The following PDE8B variants were observed in gnomAD, a reference collection of about 807,000 sequenced individuals.
PDE8B encodes phosphodiesterase 8B, also known as high affinity cAMP-specific and IBMX-insensitive 3',5'-cyclic phosphodiesterase 8B.
In PDE8B, 26 loss-of-function variants were observed where a neutral mutation model predicts 101.3. The ratio of observed to expected loss-of-function variants is 0.26; its 90% CI spans 0.19 to 0.36. PDE8B has a LOEUF of 0.36. Ranked by LOEUF, PDE8B falls within the 10% of genes least tolerant of loss-of-function variation. The pLI is 1.00. For synonymous variants in PDE8B, 424 were observed against 429.3 expected (o/e 0.99, Z 0.15); for missense variants, 810 against 1,163.1 (o/e 0.70, Z 4.42).
At position 77,329,045 on chromosome 5, in the gene PDE8B, T is replaced by C; in HGVS notation, c.638T>C (p.Val213Ala). 1 of 1,613,696 alleles carries C rather than the reference T, an allele frequency of 6.2e-7. No individual in the cohort carries two copies. Among genetic ancestry groups the C allele is most frequent in the East Asian group, 2.2e-5 (1 of 44,870 alleles). ...TCCGAGCACACGGTGATCCTCGCAG[T>C]GGTTTCGCGAGTGTAAGTGCACCTC... Reference protein sequence around the residue: ...NPSEHTVILAVVSRVSDDHEE... With the variant: ...NPSEHTVILAAVSRVSDDHEE... Residue 213 changes from valine to alanine, a missense_variant, in exon 4 of 22, where the codon GTG (valine) becomes GCG (alanine). By Grantham distance (64) the Val-to-Ala change is moderately conservative (BLOSUM62 0). Coordinates refer to ENST00000264917, the MANE Select transcript of PDE8B (RefSeq NM_003719.5).
intron 2 of PDE8B, among the ~76,000 whole-genome samples, chr5:77,323,536 A>T (rs1478778451): frequency 1.3e-5 from 2 of 152,214 alleles, no homozygotes; most frequent in African/African-American, 4.8e-5. Context: ...AGAGCTAGGA[A>T]AATGGGTAGG....
At chr5:77,318,067 A>AC (rs59700620) in intron 2 of PDE8B, among the ~76,000 whole-genome samples, 6 of 149,960 alleles carry the variant, frequency 4.0e-5, no homozygotes, top group Non-Finnish European at 7.4e-5. Context: ...AAAAAAAAAA[A>AC]AAAAAAAAAA....
intron 11 of PDE8B, among the ~76,000 whole-genome samples, chr5:77,402,307 G>A (rs1362466898): frequency 1.3e-5 from 2 of 151,666 alleles, no homozygotes; most frequent in African/African-American, 4.8e-5. Context: ...AAACTACTAA[G>A]GTAGAATTTG....
chr5:77,211,051 C>A lies in PDE8B; in HGVS notation c.126C>A (p.Gly42=), dbSNP rs1580329317. Residue 42 remains glycine (G), a synonymous_variant, in exon 1 of 22, where the codon GGC becomes GGA. Transcript: ENST00000264917. This position sits in a 1 kb window ranked among gnomAD's most constrained non-coding sequence, Gnocchi z 4.1. ...AGGGCCCGGCGGCACCCCTGCCCGG[C>A]CTCTTCGTCCAGACCGACGCCGCCG... is the stretch of plus-strand genomic sequence containing the variant. ...VSQGPAAPLP[G]LFVQTDAADA... is the part of the protein sequence containing the mutation. 6.5e-7 allele frequency: 1 copy of A among 1,531,066 alleles called. No individual in the cohort carries two copies. The highest frequency in any genetic ancestry group is 8.7e-7 in the Non-Finnish European group (1 of 1,149,024). 94.8% of individuals were successfully genotyped at this position (1,531,066 alleles called of 1,614,324 possible).
At chr5:77,161,162 A>T in the PDE8B span, among the ~76,000 whole-genome samples, 38,312 of 152,146 alleles carry the variant, frequency 0.25, 5,663 homozygotes, top group East Asian at 0.74. Flanking sequence ...CAACATAACC[A>T]TGACCATAAG....
the PDE8B span, among the ~76,000 whole-genome samples, chr5:77,127,031 A>G: frequency 1.3e-5 from 2 of 152,152 alleles, no homozygotes; most frequent in Admixed American, 1.3e-4. Context: ...CTGATCAAGG[A>G]AGGGTGCTCC....
intron 10 of PDE8B, among the ~76,000 whole-genome samples, chr5:77,390,057 T>C (rs923092271): frequency 7.9e-5 from 12 of 152,322 alleles, no homozygotes; most frequent in African/African-American, 2.9e-4. Flanking sequence ...TCCAACTATG[T>C]ATGAGAGTTC....
At chr5:77,409,167 T>A in intron 14 of PDE8B, 110 bp downstream of exon 14, 1 of 869,312 alleles carries the variant, frequency 1.2e-6, no homozygotes, top group South Asian at 1.4e-5. Context: ...TTATATAGAC[T>A]AACGTTAGCA....
At chr5:77,212,573 C>T (rs888057195) in intron 1 of PDE8B, among the ~76,000 whole-genome samples, 4 of 152,102 alleles carry the variant, frequency 2.6e-5, no homozygotes, top group Non-Finnish European at 4.4e-5. Context: ...TATTGAGCAC[C>T]TACTATGTGC....
intron 5 of PDE8B, among the ~76,000 whole-genome samples, chr5:77,333,270 A>C (rs1172469841): frequency 6.6e-6 from 1 of 152,230 alleles, no homozygotes; most frequent in African/African-American, 2.4e-5. Flanking sequence ...AATGCATGAG[A>C]CAATGCTTCT....
At chr5:77,114,242 C>T in the PDE8B span, 2 of 152,090 alleles carry the variant, frequency 1.3e-5, no homozygotes, top group African/African-American at 4.8e-5. Context: ...TTCACAATAG[C>T]AAAGACTTGG....
At chr5:77,111,183 A>ACAT in the PDE8B span, among the ~76,000 whole-genome samples, 1 of 152,336 alleles carries the variant, frequency 6.6e-6, no homozygotes, top group South Asian at 2.1e-4. Context: ...AGTTCAGGTG[A>ACAT]AGATGACAGC....
chr5:77,336,790 C>G (rs1477366205), intron 5 of PDE8B, among the ~76,000 whole-genome samples: 3 of 152,086 alleles, frequency 2.0e-5, no homozygotes, highest in Admixed American at 6.6e-5. Flanking sequence ...TAACTTTTCC[C>G]CTGCATTAGG....
intron 10 of PDE8B, among the ~76,000 whole-genome samples, chr5:77,362,734 G>A (rs1275857283): frequency 6.6e-6 from 1 of 152,176 alleles, no homozygotes; most frequent in Non-Finnish European, 1.5e-5. Flanking sequence ...TAGGCTGTTT[G>A]TAGTTCTCTG....
chr5:77,311,652 A>G (rs1223665685), intron 1 of PDE8B, among the ~76,000 whole-genome samples: 1 of 152,238 alleles, frequency 6.6e-6, no homozygotes, highest in Non-Finnish European at 1.5e-5. Flanking sequence ...TGCTCAATAA[A>G]TAATTATTGA....
chr5:77,314,541 TTGC>T (rs1773370710), intron 2 of PDE8B, among the ~76,000 whole-genome samples: 4 of 152,146 alleles, frequency 2.6e-5, no homozygotes, highest in African/African-American at 9.6e-5. Flanking sequence ...TCTTTCTATT[TTGC>T]AGGATCTTGT....
intron 7 of PDE8B, 111 bp downstream of exon 7, chr5:77,345,042 T>G (rs1779901557): frequency 1.3e-6 from 1 of 767,902 alleles, no homozygotes; most frequent in Non-Finnish European, 2.4e-6. Flanking sequence ...GCACATTTTC[T>G]TAGGAGAAAT....
chr5:77,394,222 CG>C (rs1488212437), intron 10 of PDE8B, among the ~76,000 whole-genome samples: 1 of 152,150 alleles, frequency 6.6e-6, no homozygotes, highest in Non-Finnish European at 1.5e-5. Flanking sequence ...CATCATGGAA[CG>C]GCCATCCACA....
the PDE8B span, among the ~76,000 whole-genome samples, chr5:77,161,139 G>C: frequency 9.2e-5 from 14 of 152,074 alleles, no homozygotes; most frequent in Non-Finnish European, 4.4e-5. Context: ...AGTGAGTTTT[G>C]ATAAATGTGT....
Sources: gnomAD v4.1 joint callset for allele counts (sites outside exome capture counted in the v4.1 genomes callset) on GRCh38, gnomAD v4.1.1 for gene constraint, Gnocchi (gnomAD v3.1) non-coding constraint, MANE v1.5 for transcripts, NCBI Gene and HGNC (gene_info 2026-07-23, HGNC 2026-07-21) for gene names.